KIF21A: variants seen among roughly 807,000 people sequenced by gnomAD.
The protein encoded by KIF21A is kinesin-like protein KIF21A.
Under a neutral mutation model 202.9 loss-of-function variants are expected in KIF21A, and 114 were observed. The observed-to-expected ratio is 0.56, with a 90% CI of 0.48 to 0.66. KIF21A has a LOEUF of 0.66. Among genes scored for constraint, KIF21A ranks in the 30% least tolerant of loss-of-function variants. KIF21A has a pLI of 0.00. For synonymous variants in KIF21A, 667 were observed against 670.8 expected (o/e 0.99, Z 0.09); for missense variants, 1,677 against 1,994.9 (o/e 0.84, Z 3.04).
intron 32 of KIF21A, among the ~76,000 whole-genome samples, chr12:39,311,162 A>T (rs1943991469): frequency 6.6e-6 from 1 of 151,936 alleles, no homozygotes; most frequent in Non-Finnish European, 1.5e-5. Context: ...AAAATTCAGG[A>T]CTCTACATGC....
At chr12:39,407,871 A>T (rs999492268) in intron 1 of KIF21A, among the ~76,000 whole-genome samples, 3 of 151,048 alleles carry the variant, frequency 2.0e-5, no homozygotes, top group Non-Finnish European at 3.0e-5. Flanking sequence ...TATATTTAGC[A>T]TAAAATCAGT....
chr12:39,364,292 T>C (rs1403300715), intron 6 of KIF21A, among the ~76,000 whole-genome samples: 2 of 152,182 alleles, frequency 1.3e-5, no homozygotes, highest in Non-Finnish European at 2.9e-5. Flanking sequence ...CCAGAGCAGC[T>C]ACTGTCATAA....
intron 6 of KIF21A, among the ~76,000 whole-genome samples, chr12:39,365,953 T>C (rs1191038495): frequency 1.3e-5 from 2 of 152,184 alleles, no homozygotes; most frequent in South Asian, 2.1e-4. Context: ...CAGTGAGCCA[T>C]GATCGCACCA....
intron 11 of KIF21A, among the ~76,000 whole-genome samples, chr12:39,350,340 T>C (rs893182938): frequency 6.6e-6 from 1 of 152,042 alleles, no homozygotes; most frequent in Non-Finnish European, 1.5e-5. Context: ...ATTAAGGAAA[T>C]ATCTCTAAAT....
Position 39,295,947 on chromosome 12 carries a change from C to T in KIF21A, c.4932-1430G>A, listed in dbSNP as rs529295808. Among the ~76,000 whole-genome samples the T allele has an allele frequency of 2.0e-3, 296 of 149,780 alleles. 1 individual carries two copies. The highest frequency in any genetic ancestry group is 7.5e-4 in the Non-Finnish European group (51 of 67,714). On this transcript the variant is annotated intron_variant, in intron 37 of 37. Coordinates refer to ENST00000361418, the MANE Select transcript of KIF21A (RefSeq NM_001173464.2). ...TCTCTTGACCTCGTGATCTGCCTGC[C>T]TCGGCCTCCCAAAGTGCTGAGATAA...
intron 1 of KIF21A, among the ~76,000 whole-genome samples, chr12:39,423,053 A>G (rs1387761317): frequency 6.6e-6 from 1 of 152,218 alleles, no homozygotes; most frequent in Non-Finnish European, 1.5e-5. Context: ...ATGAGTTAAT[A>G]TGTGTTTAGA....
Position 39,294,323 on chromosome 12 carries a change from C to A in KIF21A, c.*101G>T, listed in dbSNP as rs922513409. ...AATTCAGATATATTTTCCAGTTAATCCGATTCATACGTTTTGCCTAGTAAG... is the reference window on the plus strand; with the variant it reads ...AATTCAGATATATTTTCCAGTTAATACGATTCATACGTTTTGCCTAGTAAG... On this transcript the variant is annotated 3_prime_UTR_variant, in exon 38 of 38. Coordinates refer to ENST00000361418, the MANE Select transcript of KIF21A (RefSeq NM_001173464.2). 1.3e-5 allele frequency: 11 copies of A among 825,492 alleles called. No homozygotes were observed. Among genetic ancestry groups the A allele is most frequent in the African/African-American group, 3.4e-5 (2 of 59,638 alleles). The allele number at this position is 825,492 out of a possible 1,614,324, so 51.1% of individuals were successfully genotyped here. A position where few individuals can be genotyped will look rare whatever the true frequency, so the allele number is the denominator to read the frequency against.
chr12:39,430,007 A>G (rs1413790075), intron 1 of KIF21A, among the ~76,000 whole-genome samples: 1 of 152,126 alleles, frequency 6.6e-6, no homozygotes, highest in Non-Finnish European at 1.5e-5. Context: ...AAGGCTCATA[A>G]AAGTTAAGTG....
intron 11 of KIF21A, among the ~76,000 whole-genome samples, 153 bp from the exon 12 acceptor site, chr12:39,346,657 G>A (rs562682170): frequency 6.6e-6 from 1 of 151,966 alleles, no homozygotes; most frequent in African/African-American, 2.4e-5. Context: ...ACAATACACA[G>A]TAAAAAGGCA....
At chr12:39,307,396 T>C (rs1943580884) in intron 34 of KIF21A, among the ~76,000 whole-genome samples, 169 bp downstream of exon 34, 1 of 152,186 alleles carries the variant, frequency 6.6e-6, no homozygotes, top group South Asian at 2.1e-4. Flanking sequence ...TGTCAGTTTG[T>C]TAATAAGGAC....
At chr12:39,440,513 C>A (rs945084379) in intron 1 of KIF21A, among the ~76,000 whole-genome samples, 3 of 152,194 alleles carry the variant, frequency 2.0e-5, no homozygotes, top group African/African-American at 4.8e-5. Context: ...CTAATCCCGG[C>A]ACACAGTATA....
intron 1 of KIF21A, among the ~76,000 whole-genome samples, chr12:39,398,177 A>G (rs1951898124): frequency 6.6e-6 from 1 of 152,196 alleles, no homozygotes; most frequent in Admixed American, 6.5e-5. Flanking sequence ...GGAAATTTAC[A>G]CTCTACATTT....
intron 1 of KIF21A, among the ~76,000 whole-genome samples, chr12:39,392,745 C>G (rs1592513868): frequency 6.6e-6 from 1 of 150,734 alleles, no homozygotes; most frequent in African/African-American, 2.5e-5. Context: ...TGAGAGAATT[C>G]AGCACCATGT....
chr12:39,441,660 T>TAAAAAA (rs56245570), intron 1 of KIF21A, among the ~76,000 whole-genome samples: 1,422 of 37,578 alleles, frequency 0.038, 248 homozygotes, highest in Middle Eastern at 0.096. Flanking sequence ...CCCTGGGTGG[T>TAAAAAA]AAAAAAAAAA....
chr12:39,311,267 A>G (rs1944003081), intron 32 of KIF21A, 150 bp downstream of exon 32: 2 of 697,638 alleles, frequency 2.9e-6, no homozygotes, highest in African/African-American at 1.8e-5. Flanking sequence ...ACTATGCAAT[A>G]ATTTTATATA....
At chr12:39,328,342 C>T (rs1946160349) in intron 24 of KIF21A, among the ~76,000 whole-genome samples, 1 of 152,156 alleles carries the variant, frequency 6.6e-6, no homozygotes, top group Non-Finnish European at 1.5e-5. Context: ...ACAAATATTG[C>T]TGCGTTTTTT....
At chr12:39,329,402 A>G (rs1248800050) in intron 24 of KIF21A, among the ~76,000 whole-genome samples, 1 of 152,206 alleles carries the variant, frequency 6.6e-6, no homozygotes, top group Non-Finnish European at 1.5e-5. Context: ...AAGACAGCAT[A>G]TATTTCTATG....
chr12:39,341,623 C>G lies in KIF21A; in HGVS notation c.1804-1G>C, dbSNP rs1947451724. Reference sequence around the variant, plus strand: ...GATCACTCACTTCTTGACTTTCTTCCTAAAATGTGATTTGTAAAAATTAAT... The same window carrying G: ...GATCACTCACTTCTTGACTTTCTTCGTAAAATGTGATTTGTAAAAATTAAT... On this transcript the variant is annotated splice_acceptor_variant, in intron 13 of 37. Transcript: ENST00000361418. LOFTEE classifies it high-confidence loss of function. 6.2e-7 allele frequency: 1 copy of G among 1,603,276 alleles called. No individual in the cohort carries two copies. The highest frequency in any genetic ancestry group is 1.3e-5 in the African/African-American group (1 of 74,788).
At chr12:39,393,245 G>T (rs899595510) in intron 1 of KIF21A, among the ~76,000 whole-genome samples, 1 of 151,998 alleles carries the variant, frequency 6.6e-6, no homozygotes, top group African/African-American at 2.4e-5. Flanking sequence ...ACTCACAAAA[G>T]CCCTTGCACT....
Sources: allele counts gnomAD v4.1 joint callset (sites outside exome capture counted in the v4.1 genomes callset), GRCh38; gene constraint gnomAD v4.1.1; transcripts MANE v1.5; gene names NCBI Gene and HGNC (gene_info 2026-07-23, HGNC 2026-07-21).